Variants in UVRAG observed in about 807,000 individuals in gnomAD.
UVRAG encodes UV radiation resistance-associated gene protein.
A neutral mutation model predicts 78.0 loss-of-function variants in UVRAG; 19 were observed. That is an observed-to-expected ratio of 0.24 (90% CI 0.17 to 0.36). The LOEUF (loss-of-function observed/expected upper bound fraction) is 0.36. Ranked by LOEUF, UVRAG falls within the 10% of genes least tolerant of loss-of-function variation. The pLI is 1.00. For missense variants in UVRAG, 740 were observed against 853.8 expected (o/e 0.87, Z 1.66); for synonymous variants, 323 against 324.6 (o/e 1.00, Z 0.05).
chr11:76,040,451 G>A (rs1173805181), intron 12 of UVRAG, among the ~76,000 whole-genome samples: 4 of 148,378 alleles, frequency 2.7e-5, no homozygotes, highest in East Asian at 2.0e-4. Flanking sequence ...CAGCCTGGGC[G>A]ACAGTGTGAT....
chr11:76,114,167 A>G (rs192270566), intron 13 of UVRAG, among the ~76,000 whole-genome samples: 123 of 152,246 alleles, frequency 8.1e-4, no homozygotes, highest in African/African-American at 2.8e-3. Flanking sequence ...TATTGAAACA[A>G]TGAATTCAGG....
chr11:76,057,668 G>A (rs1951008007), intron 12 of UVRAG, among the ~76,000 whole-genome samples: 1 of 151,748 alleles, frequency 6.6e-6, no homozygotes, highest in South Asian at 2.1e-4. Flanking sequence ...ACCATCAACA[G>A]TTAAAACTTC....
intron 6 of UVRAG, among the ~76,000 whole-genome samples, chr11:75,940,334 G>A (rs991340759): frequency 1.3e-5 from 2 of 152,022 alleles, no homozygotes; most frequent in African/African-American, 2.4e-5. Flanking sequence ...TGACTATAAA[G>A]GTGACCTTAA....
chr11:76,103,559 G>A (rs576780133), intron 13 of UVRAG, among the ~76,000 whole-genome samples: 96 of 135,464 alleles, frequency 7.1e-4, no homozygotes, highest in African/African-American at 2.6e-3. Context: ...TTTTTTTGAA[G>A]CTACATTTAT....
chr11:76,085,390 T>TC (rs1388068486), intron 13 of UVRAG, among the ~76,000 whole-genome samples: 1 of 152,176 alleles, frequency 6.6e-6, no homozygotes, highest in Non-Finnish European at 1.5e-5. Context: ...CAAAGTGTGA[T>TC]CCACAGGCCA....
intron 3 of UVRAG, among the ~76,000 whole-genome samples, chr11:75,869,281 A>T (rs536385562): frequency 1.3e-5 from 2 of 152,340 alleles, no homozygotes; most frequent in African/African-American, 4.8e-5. Flanking sequence ...TAGGGAAAGC[A>T]TGTGGCATAA....
intron 12 of UVRAG, among the ~76,000 whole-genome samples, chr11:76,025,219 G>A (rs544501962): frequency 1.3e-5 from 2 of 152,290 alleles, no homozygotes; most frequent in South Asian, 4.1e-4. Context: ...TGTAACCAGA[G>A]TCCAGCTGCA....
chr11:76,143,072 G>A lies in UVRAG; in HGVS notation c.*1659G>A, dbSNP rs1952751223. On this transcript the variant is annotated 3_prime_UTR_variant, in exon 15 of 15. Coordinates refer to ENST00000356136, the MANE Select transcript of UVRAG (RefSeq NM_003369.4). ...AGTGGGGCTCCTTCACCTAGAGCAG[G>A]AGCTTCTCTGCAGTGTACTGTCTGT... 1 of 152,230 alleles carries A rather than the reference G, an allele frequency of 6.6e-6. No individual in the cohort carries two copies. Among genetic ancestry groups the A allele is most frequent in the Admixed American group, 6.5e-5 (1 of 15,284 alleles). The allele number at this position is 152,230 out of a possible 1,614,324, so 9.4% of individuals were successfully genotyped here.
At chr11:76,104,594 G>A (rs527893235) in intron 13 of UVRAG, among the ~76,000 whole-genome samples, 2 of 152,202 alleles carry the variant, frequency 1.3e-5, no homozygotes, top group Admixed American at 1.3e-4. Context: ...CTGGACAAAA[G>A]CCTAACATAT....
chr11:76,032,860 TAC>T (rs1565128781), intron 12 of UVRAG, among the ~76,000 whole-genome samples: 1 of 152,222 alleles, frequency 6.6e-6, no homozygotes, highest in Admixed American at 6.5e-5. Flanking sequence ...GAATTCACTT[TAC>T]ACTGCTGAAC....
chr11:75,877,088 A>T (rs1056188445), intron 3 of UVRAG, among the ~76,000 whole-genome samples: 4 of 151,498 alleles, frequency 2.6e-5, no homozygotes, highest in African/African-American at 9.8e-5. Flanking sequence ...TGTTTAACAA[A>T]GCACATCTTG....
chr11:75,976,234 A>T (rs1949235896), intron 7 of UVRAG, among the ~76,000 whole-genome samples: 1 of 152,186 alleles, frequency 6.6e-6, no homozygotes, highest in Non-Finnish European at 1.5e-5. Flanking sequence ...ATCATGGTGG[A>T]TAAGCTCTTT....
At position 76,016,842 on chromosome 11, in the gene UVRAG, C is replaced by T; in HGVS notation, c.1088C>T (p.Ala363Val). The change falls in exon 12 of 15, where the codon GCC becomes GTC. Residue 363 changes from alanine (A) to valine (V), a missense_variant. Transcript: ENST00000356136. Reference protein sequence around the residue: ...QAKDDGSIAVALGYTAHLVSM... With the variant: ...QAKDDGSIAVVLGYTAHLVSM... ...AAAGATGATGGAAGCATTGCTGTTG[C>T]CCTTGGTTATACTGCACATCTGGTC... is the stretch of plus-strand genomic sequence containing the variant. 1 of 1,603,382 alleles carries T rather than the reference C, an allele frequency of 6.2e-7. No individual in the cohort carries two copies. Among genetic ancestry groups the T allele is most frequent in the South Asian group, 1.1e-5 (1 of 88,846 alleles).
intron 3 of UVRAG, among the ~76,000 whole-genome samples, chr11:75,871,125 CG>C (rs1565354743): frequency 6.6e-6 from 1 of 152,006 alleles, no homozygotes. Flanking sequence ...TCGCCCACCT[CG>C]GCCTCCCAAA....
At chr11:75,940,758 G>C (rs1013134815) in intron 6 of UVRAG, among the ~76,000 whole-genome samples, 4 of 152,138 alleles carry the variant, frequency 2.6e-5, no homozygotes, top group Non-Finnish European at 4.4e-5. Flanking sequence ...AAAAATGTAT[G>C]ATTTTTATCC....
intron 13 of UVRAG, among the ~76,000 whole-genome samples, chr11:76,091,378 A>G (rs1392907756): frequency 6.6e-6 from 1 of 152,170 alleles, no homozygotes; most frequent in Non-Finnish European, 1.5e-5. Context: ...TGTGCTCGGC[A>G]CTCAATGGAT....
chr11:76,115,890 A>G, intron 13 of UVRAG, 34 bp from the exon 14 acceptor site: 1 of 1,605,292 alleles, frequency 6.2e-7, no homozygotes, highest in Non-Finnish European at 8.5e-7. Flanking sequence ...TAATCTGCCA[A>G]AATATCTTTA....
At chr11:75,960,312 T>G (rs1233990722) in intron 6 of UVRAG, among the ~76,000 whole-genome samples, 1 of 152,104 alleles carries the variant, frequency 6.6e-6, no homozygotes, top group East Asian at 1.9e-4. Context: ...TTTTTGTGTA[T>G]ATTGACCTTA....
chr11:76,022,426 T>A (rs993409919), intron 12 of UVRAG, among the ~76,000 whole-genome samples: 6 of 151,784 alleles, frequency 4.0e-5, no homozygotes, highest in Non-Finnish European at 7.4e-5. Context: ...ATATTTCTCC[T>A]TTCAATTCTG....
Sources: allele counts gnomAD v4.1 joint callset (sites outside exome capture counted in the v4.1 genomes callset), GRCh38; gene constraint gnomAD v4.1.1; transcripts MANE v1.5; gene names NCBI Gene and HGNC (gene_info 2026-07-23, HGNC 2026-07-21).